CYRIB: variants seen among roughly 807,000 people sequenced by gnomAD.
The protein encoded by CYRIB is CYFIP related Rac1 interactor B.
CYRIB carries 8 observed loss-of-function variants against 44.2 expected under a neutral mutation model. The ratio of observed to expected loss-of-function variants is 0.18; its 90% confidence interval spans 0.11 to 0.33. The LOEUF (loss-of-function observed/expected upper bound fraction) is 0.33, where lower values mean the gene tolerates loss of function less well. Among genes scored for constraint, CYRIB ranks in the 10% least tolerant of loss-of-function variants. CYRIB has a pLI of 1.00. For synonymous variants in CYRIB, 131 were observed against 127.2 expected, an observed-to-expected ratio of 1.03 and a Z score of -0.20; for missense variants, 185 against 382.8, an observed-to-expected ratio of 0.48 and a Z score of 4.31.
At chr8:129,951,738 C>A (rs991597421) in intron 2 of CYRIB, among the ~76,000 whole-genome samples, 1 of 151,794 alleles carries the variant, frequency 6.6e-6, no homozygotes, top group Non-Finnish European at 1.5e-5. Flanking sequence ...GGTAGAAACA[C>A]AAGAAACTAT....
intron 1 of CYRIB, among the ~76,000 whole-genome samples, chr8:129,984,838 G>A (rs2096390835): frequency 6.6e-6 from 1 of 152,010 alleles, no homozygotes; most frequent in Non-Finnish European, 1.5e-5. Context: ...GCAATGGCGC[G>A]ATTTCAGCTC....
intron 1 of CYRIB, among the ~76,000 whole-genome samples, chr8:129,926,416 T>C (rs1292045001): frequency 6.6e-6 from 1 of 152,230 alleles, no homozygotes; most frequent in Non-Finnish European, 1.5e-5. Flanking sequence ...TGTCTCACTG[T>C]GCCACTCTGA....
At chr8:129,909,688 A>G (rs1439361389) in intron 1 of CYRIB, among the ~76,000 whole-genome samples, 1 of 151,962 alleles carries the variant, frequency 6.6e-6, no homozygotes, top group Non-Finnish European at 1.5e-5. Context: ...GATTAGAAGA[A>G]GTTATCCCAG....
At chr8:129,957,979 A>AAAT (rs1224174964) in intron 2 of CYRIB, among the ~76,000 whole-genome samples, 1 of 151,142 alleles carries the variant, frequency 6.6e-6, no homozygotes, top group Non-Finnish European at 1.5e-5. Flanking sequence ...AAAAAAAAAA[A>AAAT]AATACAAAAA....
chr8:129,974,765 G>C (rs1403453921), intron 1 of CYRIB, among the ~76,000 whole-genome samples: 1 of 151,374 alleles, frequency 6.6e-6, no homozygotes, highest in African/African-American at 2.4e-5. Context: ...TGTTGCCCAG[G>C]CTGGAGTGCA....
At chr8:129,985,058 C>T (rs770266460) in intron 1 of CYRIB, among the ~76,000 whole-genome samples, 60 of 152,352 alleles carry the variant, frequency 3.9e-4, no homozygotes, top group Admixed American at 1.1e-3. Context: ...GCGTGAGCCA[C>T]CACGCCCCAC....
At chr8:130,011,661 C>CAAA (rs545602036) in intron 1 of CYRIB, among the ~76,000 whole-genome samples, 10 of 143,882 alleles carry the variant, frequency 7.0e-5, no homozygotes, top group African/African-American at 2.5e-4. Context: ...ACTAAAAATA[C>CAAA]AAAAAAAAAA....
At chr8:129,943,976 C>T (rs1423086252), upstream of CYRIB, among the ~76,000 whole-genome samples, 1 of 148,224 alleles carries the variant, frequency 6.7e-6, no homozygotes, top group Non-Finnish European at 1.5e-5. Flanking sequence ...GGGGAAAGGG[C>T]CAAGGAGAAA....
chr8:129,953,715 C>T (rs1192077346), intron 2 of CYRIB, among the ~76,000 whole-genome samples: 1 of 152,174 alleles, frequency 6.6e-6, no homozygotes, highest in African/African-American at 2.4e-5. Context: ...TGAATCAGCA[C>T]AGGCCTAGGT....
intron 4 of CYRIB, among the ~76,000 whole-genome samples, chr8:129,866,504 AAT>A (rs1491030218): frequency 4.6e-5 from 7 of 151,266 alleles, no homozygotes; most frequent in African/African-American, 1.5e-4. Flanking sequence ...TAAAAAAAAA[AAT>A]AATAATAACT....
chr8:129,937,032 C>T (rs904708272), intron 1 of CYRIB, among the ~76,000 whole-genome samples: 8 of 152,064 alleles, frequency 5.3e-5, no homozygotes, highest in Non-Finnish European at 1.5e-5. Context: ...ATACAAGATA[C>T]CTGAAAAAAC....
chr8:129,942,492 T>G (rs1365091974), upstream of CYRIB, among the ~76,000 whole-genome samples: 1 of 152,188 alleles, frequency 6.6e-6, no homozygotes, highest in Non-Finnish European at 1.5e-5. Flanking sequence ...GGGAATTCCC[T>G]AAAAGAGGGA....
At chr8:129,978,747 G>A (rs2096071485) in intron 1 of CYRIB, among the ~76,000 whole-genome samples, 1 of 152,188 alleles carries the variant, frequency 6.6e-6, no homozygotes, top group African/African-American at 2.4e-5. Context: ...ATTCCCAGGT[G>A]TTTAATTTCC....
chr8:130,000,810 A>T (rs1161920775), intron 1 of CYRIB, among the ~76,000 whole-genome samples: 1 of 152,122 alleles, frequency 6.6e-6, no homozygotes, highest in Non-Finnish European at 1.5e-5. Context: ...GGAGCTCAGG[A>T]GTTAGAGGCC....
rs1211720560 is a variant in CYRIB, at chr8:129,915,262, G to C, written c.-49-11912C>G. ...CCAAATGTTCATCAACAAATGAATG[G>C]ACAGACTGTGGTATTTCCATATGCT... On this transcript the variant is annotated intron_variant, in intron 1 of 11. Coordinates refer to ENST00000519824, the Ensembl canonical transcript of CYRIB. Among the ~76,000 whole-genome samples, 3 of 152,170 alleles carry C rather than the reference G, an allele frequency of 2.0e-5. No homozygotes were observed. In the East Asian group the frequency reaches 5.8e-4, roughly 29 times the overall value.
chr8:129,904,277 A>G lies in CYRIB; in HGVS notation c.-49-927T>C, dbSNP rs534792463. 2.6e-5 allele frequency among the ~76,000 whole-genome samples: 4 copies of G among 152,256 alleles called. No individual in the cohort carries two copies. The East Asian group carries it at 5.8e-4, about 22-fold the overall frequency. On this transcript the variant is annotated intron_variant, in intron 1 of 11. Transcript: ENST00000519824. ...ACTTTCTGCTCTGGGGCTTTGCAAT[A>G]GGAGACGTCTACAGGAATTCTTCAG...
At chr8:129,926,480 T>C (rs747976946) in intron 1 of CYRIB, among the ~76,000 whole-genome samples, 1 of 152,180 alleles carries the variant, frequency 6.6e-6, no homozygotes, top group Non-Finnish European at 1.5e-5. Context: ...GTCTTTTAAA[T>C]AGTGTAATCT....
intron 1 of CYRIB, among the ~76,000 whole-genome samples, chr8:129,993,426 G>A (rs1376061483): frequency 6.6e-5 from 10 of 151,626 alleles, no homozygotes; most frequent in African/African-American, 2.2e-4. Context: ...GCTGAACACA[G>A]GGGCTCACAC....
intron 1 of CYRIB, among the ~76,000 whole-genome samples, chr8:129,906,207 C>G (rs1180762454): frequency 1.3e-5 from 2 of 152,164 alleles, no homozygotes; most frequent in Non-Finnish European, 2.9e-5. Flanking sequence ...AACTATACTA[C>G]AAGGCTACAG....
Sources: allele counts gnomAD v4.1 joint callset (sites outside exome capture counted in the v4.1 genomes callset), GRCh38; gene constraint gnomAD v4.1.1; transcripts MANE v1.5; gene names NCBI Gene and HGNC (gene_info 2026-07-23, HGNC 2026-07-21).